The following PREP variants were observed in gnomAD, a reference collection of about 807,000 sequenced individuals.
PREP encodes prolyl endopeptidase, also known as dJ355L5.1 (prolyl endopeptidase).
In PREP, 29 loss-of-function variants were observed where a neutral mutation model predicts 87.6. The ratio of observed to expected loss-of-function variants is 0.33; its 90% CI spans 0.25 to 0.45. The LOEUF is 0.45. PREP is among the 20% of genes least tolerant of loss of function. PREP has a pLI of 1.00. For synonymous variants in PREP, 337 were observed against 328.6 expected, an observed-to-expected ratio of 1.03 and a Z score of -0.28; for missense variants, 695 against 886.5, an observed-to-expected ratio of 0.78 and a Z score of 2.74.
chr6:105,352,014 G>A (rs1221861021), intron 7 of PREP, among the ~76,000 whole-genome samples: 1 of 152,148 alleles, frequency 6.6e-6, no homozygotes, highest in Non-Finnish European at 1.5e-5. Flanking sequence ...GTTTAAAAAT[G>A]GCGCGATGCT....
At chr6:105,380,389 A>G (rs769107444) in intron 2 of PREP, among the ~76,000 whole-genome samples, 3 of 152,186 alleles carry the variant, frequency 2.0e-5, no homozygotes, top group Admixed American at 1.3e-4. Context: ...GTAGGCAGAT[A>G]TGATGTTTCG....
intron 10 of PREP, among the ~76,000 whole-genome samples, chr6:105,316,230 G>C (rs747130929): frequency 6.6e-6 from 1 of 152,162 alleles, no homozygotes; most frequent in Non-Finnish European, 1.5e-5. Context: ...TGAACATTTG[G>C]AGGCCACTGT....
At chr6:105,289,778 C>T (rs746063645) in intron 10 of PREP, among the ~76,000 whole-genome samples, 2 of 152,162 alleles carry the variant, frequency 1.3e-5, no homozygotes, top group South Asian at 4.1e-4. Context: ...CCCAAACAAC[C>T]CCTGGAAAGT....
At chr6:105,311,423 A>G (rs939959851) in intron 10 of PREP, among the ~76,000 whole-genome samples, 15 of 151,936 alleles carry the variant, frequency 9.9e-5, no homozygotes, top group South Asian at 6.3e-4. Flanking sequence ...CTTTGCTTTA[A>G]CGTTCTGGGC....
In PREP at chr6:105,397,931, TA is replaced by T. The variant is rs1331322545; in HGVS notation, c.46-5del. The stretch of plus-strand genomic sequence containing the variant: ...TATGACCATGATAATCCTGTACCTG[TA>T]AAAAACAAAATGAGGTATTAGATAA... On this transcript the variant is annotated splice_region_variant and splice_polypyrimidine_tract_variant and intron_variant, in intron 1 of 14. Coordinates refer to ENST00000652536, the MANE Select transcript of PREP (RefSeq NM_002726.5). 1.2e-6 allele frequency: 2 copies of T among 1,601,472 alleles called. No individual in the cohort carries two copies. The highest frequency in any genetic ancestry group is 1.7e-6 in the Non-Finnish European group (2 of 1,168,662).
chr6:105,322,904 C>T, intron 10 of PREP: 1 of 1,196,836 alleles, frequency 8.4e-7, no homozygotes, highest in Non-Finnish European at 1.1e-6. Context: ...GGGGAACATC[C>T]AGCGCTCTTT....
chr6:105,374,203 C>T (rs1412599564), intron 4 of PREP, among the ~76,000 whole-genome samples: 1 of 152,308 alleles, frequency 6.6e-6, no homozygotes, highest in East Asian at 1.9e-4. Flanking sequence ...GGAAAAGCAA[C>T]ATGTCTATAG....
At chr6:105,316,525 T>C (rs894069517) in intron 10 of PREP, among the ~76,000 whole-genome samples, 3 of 152,140 alleles carry the variant, frequency 2.0e-5, no homozygotes, top group Non-Finnish European at 4.4e-5. Flanking sequence ...GTTGGGAAAA[T>C]GGTGGTAACA....
chr6:105,314,066 C>G (rs144416644), intron 10 of PREP, among the ~76,000 whole-genome samples: 5 of 152,244 alleles, frequency 3.3e-5, no homozygotes, highest in African/African-American at 1.2e-4. Context: ...TCTGGTTTCC[C>G]AGTACATATA....
At chr6:105,375,625 T>C (rs9486070) in intron 4 of PREP, among the ~76,000 whole-genome samples, 2,141 of 152,320 alleles carry the variant, frequency 0.014, 56 homozygotes, top group African/African-American at 0.049. Flanking sequence ...TTCTACAAGA[T>C]TTGTGTGTTT....
chr6:105,376,145 T>C lies in PREP; in HGVS notation c.365A>G (p.Asp122Gly), dbSNP rs1368802026. Residue 122 changes from aspartate to glycine, a missense_variant, in exon 4 of 15, where the codon GAT (aspartate) becomes GGT (glycine). Physicochemically the swap from Asp to Gly is moderately conservative, Grantham distance 94. Transcript: ENST00000652536. ...VFLDPNILSD[D>G]GTVALRGYAF... ...CTTACCTCGGAGTGCCACTGTGCCA[T>C]CGTCAGACAGTATGTTGGGGTCCAG... is the stretch of plus-strand genomic sequence containing the variant. 6.2e-7 allele frequency: 1 copy of C among 1,613,718 alleles called. No homozygotes were observed. The highest frequency in any genetic ancestry group is 1.1e-5 in the South Asian group (1 of 91,028).
intron 7 of PREP, among the ~76,000 whole-genome samples, chr6:105,340,809 G>C (rs1337235604): frequency 1.3e-5 from 2 of 152,290 alleles, no homozygotes; most frequent in East Asian, 1.9e-4. Flanking sequence ...TTACATAATG[G>C]TAAAGGGATC....
At chr6:105,377,581 T>C (rs1238185794) in intron 2 of PREP, 62 bp from the exon 3 acceptor site, 1 of 1,546,804 alleles carries the variant, frequency 6.5e-7, no homozygotes, top group Non-Finnish European at 8.9e-7. Context: ...TGAAATATTA[T>C]CCACTAATAT....
chr6:105,358,154 A>G lies in PREP; in HGVS notation c.718-5077T>C, dbSNP rs1374114058. On this transcript the variant is annotated intron_variant, in intron 6 of 14. Transcript: ENST00000652536. ...AATTTTCCTTAAGTAAAAATGACTT[A>G]ACTTCATAAAAATCTACCATTTATG... 1.3e-5 allele frequency among the ~76,000 whole-genome samples: 2 copies of G among 152,128 alleles called. 1 individual carries two copies. The highest frequency in any genetic ancestry group is 1.3e-4 in the Admixed American group (2 of 15,284).
intron 10 of PREP, among the ~76,000 whole-genome samples, chr6:105,310,668 C>G (rs1334106224): frequency 6.6e-6 from 1 of 152,192 alleles, no homozygotes; most frequent in Non-Finnish European, 1.5e-5. Flanking sequence ...CAACTGACCC[C>G]CCTAGATGTG....
At chr6:105,387,035 A>C (rs1773013720) in intron 2 of PREP, among the ~76,000 whole-genome samples, 1 of 152,228 alleles carries the variant, frequency 6.6e-6, no homozygotes, top group South Asian at 2.1e-4. Flanking sequence ...CAACATGGTG[A>C]AACCCCGTCT....
At chr6:105,349,898 T>TAAAAAAAAAAAAAA (rs1162063177) in intron 7 of PREP, among the ~76,000 whole-genome samples, 17 of 59,440 alleles carry the variant, frequency 2.9e-4, no homozygotes, top group African/African-American at 7.8e-4. Flanking sequence ...GGGAAGCAGG[T>TAAAAAAAAAAAAAA]AAAAAAAAAA....
chr6:105,360,335 C>G (rs1387004720), intron 6 of PREP, among the ~76,000 whole-genome samples: 1 of 152,104 alleles, frequency 6.6e-6, no homozygotes, highest in Non-Finnish European at 1.5e-5. Context: ...AAGAAGTGTT[C>G]CCCTTCCATC....
At chr6:105,334,437 G>A (rs943651198) in intron 7 of PREP, among the ~76,000 whole-genome samples, 6 of 152,084 alleles carry the variant, frequency 3.9e-5, no homozygotes, top group African/African-American at 9.7e-5. Context: ...GAGGTCTCTC[G>A]GCTGGGCGCA....
Sources: allele counts gnomAD v4.1 joint callset (sites outside exome capture counted in the v4.1 genomes callset), GRCh38; gene constraint gnomAD v4.1.1; transcripts MANE v1.5; gene names NCBI Gene and HGNC (gene_info 2026-07-23, HGNC 2026-07-21).